The following THRAP3 variants were observed in gnomAD, a reference collection of about 807,000 sequenced individuals.
THRAP3 encodes thyroid hormone receptor associated protein 3, also known as thyroid hormone receptor-associated protein 3.
THRAP3 carries 16 observed loss-of-function variants against 101.0 expected under a neutral mutation model. That is an observed-to-expected ratio of 0.16 (90% CI 0.11 to 0.24). The LOEUF is 0.24. Among genes scored for constraint, THRAP3 ranks in the 10% least tolerant of loss-of-function variants. THRAP3 has a pLI of 1.00. For missense variants in THRAP3, 989 were observed against 1,202.7 expected (o/e 0.82, Z 2.63); for synonymous variants, 407 against 422.6 (o/e 0.96, Z 0.45).
Position 36,282,515 on chromosome 1 carries a change from T to C in THRAP3, c.-31-18T>C, listed in dbSNP as rs1396125078. The C allele has an allele frequency of 6.3e-7, 1 of 1,583,346 alleles. No individual in the cohort carries two copies. The highest frequency in any genetic ancestry group is 1.1e-5 in the South Asian group (1 of 90,026). Reference sequence around the variant, plus strand: ...AAAGGAACTCACTCATTTGTTCTAATGCATTTTCTTACATTAGGTGTAATT... The same window carrying C: ...AAAGGAACTCACTCATTTGTTCTAACGCATTTTCTTACATTAGGTGTAATT... On this transcript the variant is annotated intron_variant, in intron 2 of 11. Transcript: ENST00000354618.
intron 9 of THRAP3, among the ~76,000 whole-genome samples, chr1:36,298,535 C>G (rs1223957126): frequency 6.6e-6 from 1 of 152,018 alleles, no homozygotes; most frequent in Non-Finnish European, 1.5e-5. Flanking sequence ...GCTCTGTCAC[C>G]CAGGCTGGAG....
At chr1:36,300,084 T>C (rs1467487385) in intron 9 of THRAP3, among the ~76,000 whole-genome samples, 1 of 152,136 alleles carries the variant, frequency 6.6e-6, no homozygotes, top group Non-Finnish European at 1.5e-5. Context: ...ACCTCCACTA[T>C]CACATGGCAG....
upstream of THRAP3, among the ~76,000 whole-genome samples, chr1:36,221,689 TTC>T (rs1644903361): frequency 6.6e-6 from 1 of 152,228 alleles, no homozygotes; most frequent in African/African-American, 2.4e-5. Flanking sequence ...GTTCAAGCGA[TTC>T]TCGTGCCTCA....
chr1:36,231,299 AACAG>A (rs1220403672), intron 1 of THRAP3, among the ~76,000 whole-genome samples: 2 of 152,318 alleles, frequency 1.3e-5, no homozygotes, highest in Admixed American at 1.3e-4. Context: ...ACTGAAGAAA[AACAG>A]ACTTTTGGAG....
the THRAP3 span, among the ~76,000 whole-genome samples, chr1:36,213,546 A>C: frequency 6.6e-6 from 1 of 151,916 alleles, no homozygotes; most frequent in Non-Finnish European, 1.5e-5. Flanking sequence ...GGGTGATCAG[A>C]AAGACAGAAG....
At chr1:36,220,969 AAAAATAT>A (rs1644900153), upstream of THRAP3, among the ~76,000 whole-genome samples, 1 of 135,616 alleles carries the variant, frequency 7.4e-6, no homozygotes, top group African/African-American at 2.9e-5. Context: ...AAAAAAAAAA[AAAAATAT>A]ATATATATAT....
chr1:36,274,076 T>TGTCA (rs1213307129), intron 2 of THRAP3, among the ~76,000 whole-genome samples: 1 of 44,744 alleles, frequency 2.2e-5, no homozygotes, highest in African/African-American at 4.7e-5. Context: ...TGTGTGTGTG[T>TGTCA]CACACACACA....
chr1:36,207,763 G>T, the THRAP3 span, among the ~76,000 whole-genome samples: 1 of 152,190 alleles, frequency 6.6e-6, no homozygotes, highest in Non-Finnish European at 1.5e-5. Context: ...GAGACATTCT[G>T]GCTAGACTTC....
chr1:36,238,660 C>T (rs1347593789), intron 1 of THRAP3, among the ~76,000 whole-genome samples: 1 of 152,108 alleles, frequency 6.6e-6, no homozygotes, highest in African/African-American at 2.4e-5. Context: ...TAGTCAGCAA[C>T]ACTTTTAGAA....
intron 9 of THRAP3, among the ~76,000 whole-genome samples, chr1:36,297,579 G>A (rs1645968990): frequency 6.6e-6 from 1 of 151,148 alleles, no homozygotes; most frequent in African/African-American, 2.4e-5. Flanking sequence ...CTCCTGAGTA[G>A]CTGGGATTAC....
intron 1 of THRAP3, among the ~76,000 whole-genome samples, chr1:36,250,504 T>A (rs544166357): frequency 6.6e-6 from 1 of 152,080 alleles, no homozygotes; most frequent in African/African-American, 2.4e-5. Flanking sequence ...TATATTCTTA[T>A]AATCAGAGAT....
rs545399840 is a variant in THRAP3 at position 36,245,600 on chromosome 1, G to T, written c.-134-13782G>T. 8.7e-4 allele frequency among the ~76,000 whole-genome samples: 133 copies of T among 152,120 alleles called. 1 individual carries two copies. The Middle Eastern group carries it at 0.01, about 12-fold the overall frequency. ...TGTGATAGCTTCCTAACTTTGTCTTGCCCATCCTGATCCATCCCCTTATCC... is the reference window on the plus strand; with the variant it reads ...TGTGATAGCTTCCTAACTTTGTCTTTCCCATCCTGATCCATCCCCTTATCC... On this transcript the variant is annotated intron_variant, in intron 1 of 11. Transcript: ENST00000354618.
intron 6 of THRAP3, 44 bp downstream of exon 6, chr1:36,291,590 TAGA>T: frequency 1.9e-6 from 3 of 1,596,296 alleles, no homozygotes; most frequent in Non-Finnish European, 2.6e-6. Context: ...GTTCCACACT[TAGA>T]AGAAGGATGA....
At chr1:36,278,924 A>G (rs1416371673) in intron 2 of THRAP3, among the ~76,000 whole-genome samples, 12 of 150,810 alleles carry the variant, frequency 8.0e-5, no homozygotes, top group Non-Finnish European at 1.6e-4. Flanking sequence ...ACTCTGTCTC[A>G]AAAAAAAATA....
chr1:36,253,760 ATTT>A (rs58306701), intron 1 of THRAP3, among the ~76,000 whole-genome samples: 13 of 100,236 alleles, frequency 1.3e-4, no homozygotes, highest in Admixed American at 3.4e-4. Context: ...AGTCAGGCTA[ATTT>A]TTTTTTTTTT....
intron 6 of THRAP3, among the ~76,000 whole-genome samples, chr1:36,292,150 G>T (rs1645878076): frequency 6.6e-6 from 1 of 150,840 alleles, no homozygotes; most frequent in African/African-American, 2.4e-5. Context: ...CCTCTTCTCA[G>T]TATGTTTGTT....
At chr1:36,281,578 CTT>C (rs11331243) in intron 2 of THRAP3, among the ~76,000 whole-genome samples, 1,906 of 144,882 alleles carry the variant, frequency 0.013, 19 homozygotes, top group African/African-American at 0.036. Context: ...GTCATTTCAT[CTT>C]TTTTTTTTTT....
chr1:36,209,167 G>A, the THRAP3 span, among the ~76,000 whole-genome samples: 1 of 151,414 alleles, frequency 6.6e-6, no homozygotes, highest in African/African-American at 2.4e-5. Context: ...CTGTAGAGAT[G>A]GGATCTTGCT....
intron 5 of THRAP3, among the ~76,000 whole-genome samples, 193 bp from the exon 6 acceptor site, chr1:36,291,181 G>A (rs1645863529): frequency 6.6e-6 from 1 of 152,234 alleles, no homozygotes; most frequent in African/African-American, 2.4e-5. Context: ...GAAGATTCCA[G>A]TAAGAAAGAG....
Sources: allele counts gnomAD v4.1 joint callset (sites outside exome capture counted in the v4.1 genomes callset), GRCh38; gene constraint gnomAD v4.1.1; transcripts MANE v1.5; gene names NCBI Gene and HGNC (gene_info 2026-07-23, HGNC 2026-07-21).